DOCK6: variants seen among roughly 807,000 people sequenced by gnomAD.
The protein encoded by DOCK6 is dedicator of cytokinesis 6.
Under a neutral mutation model 230.3 loss-of-function variants are expected in DOCK6, and 167 were observed. The observed-to-expected ratio is 0.73, with a 90% CI of 0.64 to 0.82. DOCK6 has a LOEUF of 0.82. Among genes scored for constraint, DOCK6 ranks in the 40% least tolerant of loss-of-function variants. The probability of loss-of-function intolerance (pLI) is 0.00; values close to 1 mark genes in which losing one functional copy is unlikely to be tolerated. For synonymous variants in DOCK6, 1,148 were observed against 1,185.0 expected, an observed-to-expected ratio of 0.97 and a Z score of 0.64; for missense variants, 2,598 against 2,825.8, an observed-to-expected ratio of 0.92 and a Z score of 1.83.
intron 37 of DOCK6, 53 bp from the exon 38 acceptor site, chr19:11,209,156 A>G: frequency 6.4e-7 from 1 of 1,553,868 alleles, no homozygotes; most frequent in South Asian, 1.2e-5. Flanking sequence ...GGTCCTCCCC[A>G]CCTGCCTCCC....
chr19:11,220,251 A>G (rs2079559657), intron 28 of DOCK6, among the ~76,000 whole-genome samples: 1 of 152,144 alleles, frequency 6.6e-6, no homozygotes, highest in Non-Finnish European at 1.5e-5. Context: ...ACATGTGCCC[A>G]GCCCAAAAGC....
At chr19:11,229,380 C>T in intron 22 of DOCK6, 6 of 1,103,526 alleles carry the variant, frequency 5.4e-6, no homozygotes, top group East Asian at 5.8e-5. Flanking sequence ...GCTAGAGTTG[C>T]AGTCGATGGC....
chr19:11,223,013 C>G lies in DOCK6; in HGVS notation c.3049G>C (p.Val1017Leu). 6.2e-7 allele frequency: 1 copy of G among 1,613,824 alleles called. No homozygotes were observed. Among genetic ancestry groups the G allele is most frequent in the Non-Finnish European group, 8.5e-7 (1 of 1,179,862 alleles). ...CCTACCTGCTTGTAGTGGGCCCGGACCAGGCTGAAGACAAAGCCCCGGTCC... is the reference window on the plus strand; with the variant it reads ...CCTACCTGCTTGTAGTGGGCCCGGAGCAGGCTGAAGACAAAGCCCCGGTCC... ...LVDRGFVFSL[V>L]RAHYKQVATR... is the part of the protein sequence containing the mutation. Residue 1017 changes from valine (V) to leucine (L), a missense_variant, in exon 25 of 48, where the codon GTC becomes CTC. Physicochemically the swap from Val to Leu is conservative, Grantham distance 32 (BLOSUM62 1). Transcript: ENST00000294618.
intron 35 of DOCK6, 132 bp from the exon 36 acceptor site, chr19:11,212,283 C>T: frequency 5.5e-6 from 6 of 1,083,506 alleles, no homozygotes; most frequent in Non-Finnish European, 7.7e-6. Flanking sequence ...ACTCTGTCGC[C>T]CAGGCTGGAG....
At chr19:11,251,115 G>A in intron 5 of DOCK6, 29 bp from the exon 6 acceptor site, 1 of 1,584,878 alleles carries the variant, frequency 6.3e-7, no homozygotes, top group Admixed American at 1.8e-5. Context: ...CAAGCACTGA[G>A]TGCCAGCTGT....
chr19:11,240,542 T>C (rs978893741), intron 14 of DOCK6, among the ~76,000 whole-genome samples: 1 of 152,024 alleles, frequency 6.6e-6, no homozygotes, highest in Non-Finnish European at 1.5e-5. Context: ...AGGTAAAATA[T>C]TCAGCATGGG....
intron 6 of DOCK6, among the ~76,000 whole-genome samples, chr19:11,249,790 C>T (rs1239511624): frequency 2.2e-5 from 3 of 137,568 alleles, no homozygotes; most frequent in African/African-American, 5.4e-5. Context: ...CCCAGCTACT[C>T]GGGAGGCTGA....
rs997450858 is a variant in DOCK6 at position 11,221,614 on chromosome 19, A to C, written c.3550+237T>G. The C allele has an allele frequency of 5.3e-6, 3 of 561,818 alleles. No individual in the cohort carries two copies. In the East Asian group the frequency reaches 8.9e-5, roughly 17 times the overall value. The allele number at this position is 561,818 out of a possible 1,614,324, so 34.8% of individuals were successfully genotyped here. ...CAATATCTCAGTACTACAGCCCCCC[A>C]CATTTTCACATAACCTTATGAAGTA... On this transcript the variant is annotated intron_variant, in intron 28 of 47. Coordinates refer to ENST00000294618, the MANE Select transcript of DOCK6 (RefSeq NM_020812.4).
intron 6 of DOCK6, among the ~76,000 whole-genome samples, chr19:11,248,390 T>C (rs1439691369): frequency 1.3e-5 from 2 of 152,130 alleles, no homozygotes; most frequent in African/African-American, 4.8e-5. Context: ...TAGAGGTATA[T>C]AGTAGGTGTC....
rs763410572 is a variant in DOCK6 at position 11,212,155 on chromosome 19, C to T, written c.4492-4G>A. 6 of 1,606,458 alleles carry T rather than the reference C, an allele frequency of 3.7e-6. No homozygotes were observed. Among genetic ancestry groups the T allele is most frequent in the Non-Finnish European group, 4.2e-6 (5 of 1,179,084 alleles). ...GCATCTTCACACGGGCAAAGTTCTG[C>T]AGGGACAGGGGCGGGAGGGTGGAGC... On this transcript the variant is annotated splice_polypyrimidine_tract_variant and splice_region_variant and intron_variant, in intron 35 of 47. Coordinates refer to ENST00000294618, the MANE Select transcript of DOCK6 (RefSeq NM_020812.4).
intron 31 of DOCK6, 153 bp downstream of exon 31, chr19:11,215,648 A>G (rs1239587063): frequency 7.2e-7 from 1 of 1,383,132 alleles, no homozygotes; most frequent in Non-Finnish European, 1.0e-6. Context: ...ATGGGGACGC[A>G]CAGGCGCATG....
intron 1 of DOCK6, 39 bp downstream of exon 1, chr19:11,262,358 A>G: frequency 1.9e-6 from 2 of 1,067,314 alleles, no homozygotes; most frequent in Non-Finnish European, 2.3e-6. Flanking sequence ...GAGCCGGGCC[A>G]CGTGGGGGAG....
Position 11,243,481 on chromosome 19 carries a change from GC to G in DOCK6, c.1258+75del. 6.5e-7 allele frequency: 1 copy of G among 1,541,188 alleles called. No individual in the cohort carries two copies. The highest frequency in any genetic ancestry group is 1.2e-5 in the South Asian group (1 of 83,566). ...CGGCCAGCAGAGGGCGCACCCCCTC[GC>G]CCCGTAGCCCCGCCCCAGGCCTGTC... On this transcript the variant is annotated intron_variant, in intron 11 of 47. Transcript: ENST00000294618. This position sits in a 1 kb window ranked among gnomAD's most constrained non-coding sequence, Gnocchi z 6.3.
intron 28 of DOCK6, chr19:11,221,228 G>C (rs1345392935): frequency 6.5e-6 from 1 of 152,988 alleles, no homozygotes; most frequent in Admixed American, 6.5e-5. Context: ...AAACTTCCCA[G>C]TTGGATTACA....
Position 11,200,851 on chromosome 19 carries a change from G to C in DOCK6, c.5833-29C>G. 6.2e-7 allele frequency: 1 copy of C among 1,613,256 alleles called. No homozygotes were observed. The highest frequency in any genetic ancestry group is 1.1e-5 in the South Asian group (1 of 91,064). On this transcript the variant is annotated intron_variant, in intron 45 of 47. Coordinates refer to ENST00000294618, the MANE Select transcript of DOCK6 (RefSeq NM_020812.4). The surrounding 1 kb of genome is among the most constrained non-coding windows in gnomAD (Gnocchi z 4.3). ...TGGGGTGAGAGGGACTGGTGAGCCA[G>C]CCTGCATGGCACCTGGAGTCCCCCG...
intron 3 of DOCK6, 83 bp downstream of exon 3, chr19:11,252,700 C>A: frequency 6.3e-7 from 1 of 1,597,376 alleles, no homozygotes; most frequent in Non-Finnish European, 8.6e-7. Flanking sequence ...CACGGCCAAG[C>A]CAGGAGCTGA....
intron 1 of DOCK6, among the ~76,000 whole-genome samples, chr19:11,257,074 C>A (rs1231132715): frequency 6.6e-6 from 1 of 151,836 alleles, no homozygotes; most frequent in Non-Finnish European, 1.5e-5. Flanking sequence ...GCAGCCTCAA[C>A]CTCCTGGGTT....
At chr19:11,240,080 A>G in intron 14 of DOCK6, 1 of 1,549,702 alleles carries the variant, frequency 6.5e-7, no homozygotes, top group South Asian at 1.2e-5. Flanking sequence ...GCAAGTCCTT[A>G]GGTACACAAA....
chr19:11,253,855 T>G, intron 1 of DOCK6, 129 bp from the exon 2 acceptor site: 1 of 652,644 alleles, frequency 1.5e-6, no homozygotes, highest in Non-Finnish European at 2.6e-6. Flanking sequence ...GAACCAGGAG[T>G]GCTGAGGCTT....
Sources: gnomAD v4.1 joint callset for allele counts (sites outside exome capture counted in the v4.1 genomes callset) on GRCh38, gnomAD v4.1.1 for gene constraint, Gnocchi (gnomAD v3.1) non-coding constraint, MANE v1.5 for transcripts, NCBI Gene and HGNC (gene_info 2026-07-23, HGNC 2026-07-21) for gene names.